Variants in HIVEP3 observed in about 807,000 individuals in gnomAD.
The protein encoded by HIVEP3 is HIVEP zinc finger 3, also known as transcription factor HIVEP3.
A neutral mutation model predicts 152.8 loss-of-function variants in HIVEP3; 49 were observed. That is an observed-to-expected ratio of 0.32 (90% CI 0.26 to 0.41). The LOEUF is 0.41. Ranked by LOEUF, HIVEP3 falls within the 10% of genes least tolerant of loss-of-function variation. The pLI, the probability that HIVEP3 is intolerant of heterozygous loss-of-function variation, is 1.00. For synonymous variants in HIVEP3, 1,269 were observed against 1,289.0 expected (o/e 0.98, Z 0.33); for missense variants, 2,790 against 3,103.3 (o/e 0.90, Z 2.40).
At position 41,583,107 on chromosome 1, in the gene HIVEP3, T is replaced by C. The variant is rs755556450; in HGVS notation, c.1691A>G (p.Asp564Gly). 2.5e-6 allele frequency: 4 copies of C among 1,613,294 alleles called. No individual in the cohort carries two copies. Among genetic ancestry groups the C allele is most frequent in the Non-Finnish European group, 3.4e-6 (4 of 1,179,760 alleles). ...HHPFRGSYSF[D>G]DHITDSEALS... The stretch of plus-strand genomic sequence containing the variant: ...GGCTTCGGAGTCGGTGATATGGTCA[T>C]CGAAGGAGTAGCTACCTCGGAAGGG... The change falls in exon 4 of 9, where the codon GAT becomes GGT. Residue 564 changes from aspartate to glycine, a missense_variant. This residue lies in a region of HIVEP3 where 339 missense variants were observed against 327.0 expected (regional missense o/e 1.04). Transcript: ENST00000372583. The surrounding 1 kb of genome is among the most constrained non-coding windows in gnomAD (Gnocchi z 6.9).
At chr1:41,985,884 A>G (rs554308391) in intron 1 of HIVEP3, among the ~76,000 whole-genome samples, 11 of 152,322 alleles carry the variant, frequency 7.2e-5, no homozygotes, top group Admixed American at 5.9e-4. Context: ...TTTGCCTGGA[A>G]AACTTTCAGT....
intron 5 of HIVEP3, among the ~76,000 whole-genome samples, chr1:41,530,307 C>T (rs567619698): frequency 6.6e-6 from 1 of 152,336 alleles, no homozygotes; most frequent in African/African-American, 2.4e-5. Flanking sequence ...AGAAATGACT[C>T]GGTTCTCTTA....
intron 1 of HIVEP3, among the ~76,000 whole-genome samples, chr1:41,965,426 C>G (rs1467307371): frequency 6.6e-6 from 1 of 152,320 alleles, no homozygotes; most frequent in South Asian, 2.1e-4. Flanking sequence ...TAATAATAAA[C>G]TTTGCTAAGT....
chr1:41,683,979 G>C (rs1241455333), intron 2 of HIVEP3, among the ~76,000 whole-genome samples: 1 of 152,222 alleles, frequency 6.6e-6, no homozygotes, highest in Non-Finnish European at 1.5e-5. Context: ...ATGACTATCA[G>C]TTCCTAATTG....
chr1:41,569,812 T>C (rs1457811816), intron 5 of HIVEP3, among the ~76,000 whole-genome samples: 1 of 152,112 alleles, frequency 6.6e-6, no homozygotes, highest in African/African-American at 2.4e-5. Context: ...CTCTTAAGAC[T>C]TGGATAAAAA....
chr1:41,997,253 C>T (rs545782155), intron 1 of HIVEP3, among the ~76,000 whole-genome samples: 5 of 152,318 alleles, frequency 3.3e-5, no homozygotes, highest in African/African-American at 9.6e-5. Context: ...ATAGACCCAA[C>T]CTCTCAATGG....
At chr1:41,758,898 T>G (rs1647487935) in intron 1 of HIVEP3, among the ~76,000 whole-genome samples, 1 of 152,198 alleles carries the variant, frequency 6.6e-6, no homozygotes, top group South Asian at 2.1e-4. Context: ...CATAGTGTAC[T>G]GTGACCAATG....
At chr1:41,861,231 C>T (rs571336585) in intron 1 of HIVEP3, among the ~76,000 whole-genome samples, 20 of 152,302 alleles carry the variant, frequency 1.3e-4, no homozygotes, top group African/African-American at 4.1e-4. Context: ...GTAGCTTGCC[C>T]GATAAGTCCA....
intron 1 of HIVEP3, among the ~76,000 whole-genome samples, chr1:41,983,068 C>T (rs1481761747): frequency 6.6e-6 from 1 of 152,178 alleles, no homozygotes; most frequent in Non-Finnish European, 1.5e-5. Context: ...ATGCGCAGTT[C>T]ACAATAGGGT....
intron 6 of HIVEP3, among the ~76,000 whole-genome samples, chr1:41,523,551 G>A (rs1186323964): frequency 6.6e-6 from 1 of 152,132 alleles, no homozygotes; most frequent in Non-Finnish European, 1.5e-5. Context: ...TCTCCCAGGG[G>A]ATGTGATAAA....
intron 3 of HIVEP3, among the ~76,000 whole-genome samples, chr1:41,623,040 C>A (rs1273270252): frequency 1.3e-5 from 2 of 152,192 alleles, no homozygotes; most frequent in Non-Finnish European, 2.9e-5. Flanking sequence ...AGACAGAGCC[C>A]GGATGCAAAC....
intron 1 of HIVEP3, among the ~76,000 whole-genome samples, chr1:41,773,285 G>A (rs1304242727): frequency 6.6e-6 from 1 of 152,208 alleles, no homozygotes; most frequent in Admixed American, 6.5e-5. Flanking sequence ...CCAGAACTCA[G>A]GTCTTGTGAT....
Position 41,753,800 on chromosome 1 carries a change from C to T in HIVEP3, c.-800-52805G>A, listed in dbSNP as rs554207934. On this transcript the variant is annotated intron_variant, in intron 1 of 8. Transcript: ENST00000372583. ...ATTCAGGTATTTATTGAGCAGGCAT[C>T]ATGTGCCAGGCAGTGTATTAGACAT... Among the ~76,000 whole-genome samples, 233 of 152,228 alleles carry T rather than the reference C, an allele frequency of 1.5e-3. 1 individual carries two copies. Among genetic ancestry groups the T allele is most frequent in the South Asian group, 2.9e-3 (14 of 4,818 alleles).
At chr1:41,872,167 A>C (rs1225303334) in intron 1 of HIVEP3, among the ~76,000 whole-genome samples, 2 of 152,234 alleles carry the variant, frequency 1.3e-5, no homozygotes, top group African/African-American at 4.8e-5. Flanking sequence ...ATGACTCGCA[A>C]ATCAGGCAGC....
chr1:41,707,537 G>C (rs754177568), intron 1 of HIVEP3, among the ~76,000 whole-genome samples: 1 of 152,182 alleles, frequency 6.6e-6, no homozygotes, highest in African/African-American at 2.4e-5. Flanking sequence ...GGTCTCTGGC[G>C]GGTGGATATG....
intron 1 of HIVEP3, among the ~76,000 whole-genome samples, chr1:41,823,512 T>G (rs916847260): frequency 3.3e-5 from 5 of 152,210 alleles, no homozygotes; most frequent in African/African-American, 1.2e-4. Flanking sequence ...AAGAGGCTTT[T>G]TGGCCATCTC....
intron 1 of HIVEP3, among the ~76,000 whole-genome samples, chr1:41,964,121 G>A (rs1645184388): frequency 6.6e-6 from 1 of 152,212 alleles, no homozygotes; most frequent in African/African-American, 2.4e-5. Flanking sequence ...TGGAGGAGGG[G>A]CCAAGATGGC....
intron 3 of HIVEP3, among the ~76,000 whole-genome samples, chr1:41,595,959 T>C (rs1347919385): frequency 1.3e-5 from 2 of 152,166 alleles, no homozygotes; most frequent in Non-Finnish European, 2.9e-5. Flanking sequence ...CCTTTATGTA[T>C]ACATCTATCC....
intron 5 of HIVEP3, among the ~76,000 whole-genome samples, chr1:41,565,151 A>G (rs1644140978): frequency 1.3e-5 from 2 of 152,212 alleles, no homozygotes; most frequent in Non-Finnish European, 2.9e-5. Context: ...GAAAACAGGA[A>G]AGGAAAGTAA....
Sources: allele counts gnomAD v4.1 joint callset (sites outside exome capture counted in the v4.1 genomes callset), GRCh38; gene constraint gnomAD v4.1.1; regional missense constraint gnomAD v4.1.1; non-coding constraint Gnocchi (gnomAD v3.1); transcripts MANE v1.5; gene names NCBI Gene and HGNC (gene_info 2026-07-23, HGNC 2026-07-21).